The following DOK5 variants were observed in gnomAD, a reference collection of about 807,000 sequenced individuals.
DOK5 encodes the protein docking protein 5.
In DOK5, 27 loss-of-function variants were observed where a neutral mutation model predicts 43.3. The ratio of observed to expected loss-of-function variants is 0.62; its 90% CI spans 0.46 to 0.86. The LOEUF is 0.86. Ranked by LOEUF, DOK5 falls within the 40% of genes least tolerant of loss-of-function variation. The pLI is 0.00. For missense variants in DOK5, 373 were observed against 392.9 expected (o/e 0.95, Z 0.43); for synonymous variants, 146 against 140.1 (o/e 1.04, Z -0.30).
chr20:54,644,713 A>ACAAACAAACAAAC (rs1555839798), intron 7 of DOK5, among the ~76,000 whole-genome samples: 2 of 51,896 alleles, frequency 3.9e-5, no homozygotes, highest in Non-Finnish European at 1.2e-4. Flanking sequence ...CTCAAAAAAA[A>ACAAACAAACAAAC]AAAAAAAAAA....
At chr20:54,507,534 A>T (rs1982853687) in intron 1 of DOK5, among the ~76,000 whole-genome samples, 1 of 152,228 alleles carries the variant, frequency 6.6e-6, no homozygotes, top group Non-Finnish European at 1.5e-5. Context: ...CTGTGGCACA[A>T]TTCTTTTCAG....
chr20:54,517,492 G>T (rs1008341823), intron 1 of DOK5, among the ~76,000 whole-genome samples: 1 of 152,122 alleles, frequency 6.6e-6, no homozygotes, highest in Non-Finnish European at 1.5e-5. Flanking sequence ...TTTGTAAGCT[G>T]GGTGGCTTTG....
In DOK5 at chr20:54,501,487, AAAAAAG is replaced by A. The variant is rs1229934066; in HGVS notation, c.66+25478_66+25483del. 1.1e-3 allele frequency among the ~76,000 whole-genome samples: 163 copies of A among 146,062 alleles called. 3 individuals are homozygous for A. The highest frequency in any genetic ancestry group is 4.1e-3 in the African/African-American group (148 of 36,432). On this transcript the variant is annotated intron_variant, in intron 1 of 7. Transcript: ENST00000262593. ...CTCTCAAAAAAAAAAAAAAAAAAAA[AAAAAAG>A]AAGAAAAGGAAAAAGAAAAAATAAA...
intron 5 of DOK5, among the ~76,000 whole-genome samples, chr20:54,595,069 T>C (rs140201493): frequency 0.012 from 1,857 of 152,162 alleles, 20 homozygotes; most frequent in Middle Eastern, 0.024. Context: ...GGGCTGGGCG[T>C]GGTGGCTCAT....
At position 54,650,479 on chromosome 20, in the gene DOK5, A is replaced by C; in HGVS notation, c.921A>C (p.Ter307CysextTer2). The C allele has an allele frequency of 6.2e-7, 1 of 1,613,918 alleles. No homozygotes were observed. Among genetic ancestry groups the C allele is most frequent in the Non-Finnish European group, 8.5e-7 (1 of 1,179,928 alleles). The part of the protein sequence containing the change: ...ETFPAYRSEH[*>C] ...TTCCAGCCTACAGATCTGAGCACTGACAGTAACTGCCAAGAATTGTTAACA... is the reference window on the plus strand; with the variant it reads ...TTCCAGCCTACAGATCTGAGCACTGCCAGTAACTGCCAAGAATTGTTAACA... The change falls in exon 8 of 8, where the codon TGA becomes TGC. Residue 307 changes from the stop codon to cysteine, a stop_lost. Coordinates refer to ENST00000262593, the MANE Select transcript of DOK5 (RefSeq NM_018431.5).
intron 2 of DOK5, among the ~76,000 whole-genome samples, chr20:54,580,511 T>A (rs2146757907): frequency 6.6e-6 from 1 of 152,208 alleles, no homozygotes; most frequent in East Asian, 1.9e-4. Context: ...CTAACACTTG[T>A]TATCTTTTAG....
intron 7 of DOK5, among the ~76,000 whole-genome samples, chr20:54,643,979 T>G (rs1387907598): frequency 6.6e-6 from 1 of 152,128 alleles, no homozygotes; most frequent in Non-Finnish European, 1.5e-5. Flanking sequence ...CAGCATTACT[T>G]GAAGTCTTGC....
chr20:54,505,318 G>A (rs73276907), intron 1 of DOK5, among the ~76,000 whole-genome samples: 2,285 of 152,170 alleles, frequency 0.015, 49 homozygotes, highest in African/African-American at 0.052. Context: ...CATGTAATCT[G>A]TGGCTGTTTG....
At chr20:54,509,307 C>G (rs1056986698) in intron 1 of DOK5, among the ~76,000 whole-genome samples, 8 of 152,318 alleles carry the variant, frequency 5.3e-5, no homozygotes, top group African/African-American at 1.9e-4. Flanking sequence ...TTTCCCATCT[C>G]AGCCTCCCCA....
At chr20:54,479,859 G>A (rs540292377) in intron 1 of DOK5, among the ~76,000 whole-genome samples, 86 of 152,140 alleles carry the variant, frequency 5.7e-4, no homozygotes, top group Admixed American at 1.5e-3. Flanking sequence ...AATCACAAGC[G>A]AACCTTGGTG....
intron 1 of DOK5, among the ~76,000 whole-genome samples, chr20:54,515,723 T>C (rs564625479): frequency 6.6e-6 from 1 of 152,216 alleles, no homozygotes; most frequent in Non-Finnish European, 1.5e-5. Context: ...GAAAATCATT[T>C]TTTTGTATTG....
At chr20:54,549,137 T>C (rs1260907734) in intron 1 of DOK5, among the ~76,000 whole-genome samples, 1 of 152,228 alleles carries the variant, frequency 6.6e-6, no homozygotes, top group African/African-American at 2.4e-5. Context: ...CGTCTGAAAG[T>C]ACTTTATAAA....
intron 2 of DOK5, 164 bp downstream of exon 2, chr20:54,555,204 A>G: frequency 1.7e-6 from 1 of 587,522 alleles, no homozygotes; most frequent in Non-Finnish European, 3.0e-6. Flanking sequence ...GTTTCAAGTA[A>G]TTGACTAATG....
rs1555839811 is a variant in DOK5 at position 54,644,714 on chromosome 20, A to AAAAAAAC, written c.856+1142_856+1143insCAAAAAA. Reference sequence around the variant, plus strand: ...GAGAGAGACTCCGTCTCAAAAAAAAAAAAAAAAAAACAAAATTTAGCTGGG... The same window carrying AAAAAAAC: ...GAGAGAGACTCCGTCTCAAAAAAAAAAAAAAACAAAAAAAAAACAAAATTTAGCTGGG... On this transcript the variant is annotated intron_variant, in intron 7 of 7. Coordinates refer to ENST00000262593, the MANE Select transcript of DOK5 (RefSeq NM_018431.5). Among the ~76,000 whole-genome samples the AAAAAAAC allele has an allele frequency of 5.1e-4, 68 of 134,260 alleles. 1 individual carries two copies. The highest frequency in any genetic ancestry group is 1.9e-3 in the African/African-American group (64 of 34,318). 88.1% of individuals were successfully genotyped at this position (134,260 alleles called of 152,430 possible).
rs1227716277 is a variant in DOK5 at position 54,568,955 on chromosome 20, A to G, written c.174+13915A>G. On this transcript the variant is annotated intron_variant, in intron 2 of 7. Coordinates refer to ENST00000262593, the MANE Select transcript of DOK5 (RefSeq NM_018431.5). ...TCAAAATAAATAAATAAATAAATAA[A>G]CGTTTCTGAAATGTATGGACTAAAA... Among the ~76,000 whole-genome samples the G allele has an allele frequency of 5.4e-5, 8 of 147,630 alleles. No individual in the cohort carries two copies. In the East Asian group the frequency reaches 1.0e-3, roughly 18 times the overall value.
At chr20:54,579,538 G>A (rs1333219174) in intron 2 of DOK5, among the ~76,000 whole-genome samples, 2 of 151,926 alleles carry the variant, frequency 1.3e-5, no homozygotes, top group Non-Finnish European at 2.9e-5. Flanking sequence ...TTCTATATTC[G>A]TTAAACAGCA....
intron 2 of DOK5, among the ~76,000 whole-genome samples, chr20:54,578,568 G>A (rs113246503): frequency 5.3e-5 from 8 of 152,102 alleles, no homozygotes; most frequent in African/African-American, 1.7e-4. Flanking sequence ...GAAAGATCGT[G>A]TGCAAGGATA....
chr20:54,601,615 C>T (rs1025871963), intron 5 of DOK5, among the ~76,000 whole-genome samples: 6 of 152,174 alleles, frequency 3.9e-5, no homozygotes, highest in African/African-American at 9.7e-5. Context: ...AAAGTGATAG[C>T]GAAGGTCTCT....
At chr20:54,485,737 G>A (rs1008590335) in intron 1 of DOK5, among the ~76,000 whole-genome samples, 2 of 152,208 alleles carry the variant, frequency 1.3e-5, no homozygotes, top group East Asian at 1.9e-4. Context: ...CTGCTGAACC[G>A]TTTTCTCACA....
Sources: gnomAD v4.1 joint callset for allele counts (sites outside exome capture counted in the v4.1 genomes callset) on GRCh38, gnomAD v4.1.1 for gene constraint, MANE v1.5 for transcripts, NCBI Gene and HGNC (gene_info 2026-07-23, HGNC 2026-07-21) for gene names.